The following TMEM131 variants were observed in gnomAD, a reference collection of about 807,000 sequenced individuals.
The protein encoded by TMEM131 is 2610524E03Rik.
TMEM131 carries 66 observed loss-of-function variants against 211.6 expected under a neutral mutation model. That is an observed-to-expected ratio of 0.31 (90% CI 0.26 to 0.38). The LOEUF is 0.38. Ranked by LOEUF, TMEM131 falls within the 10% of genes least tolerant of loss-of-function variation. TMEM131 has a pLI of 1.00. For synonymous variants in TMEM131, 844 were observed against 841.3 expected (o/e 1.00, Z -0.06); for missense variants, 2,036 against 2,299.3 (o/e 0.89, Z 2.34).
Position 97,832,004 on chromosome 2 carries a change from C to CAAAAAAAAAAAAA in TMEM131, c.1074+1348_1074+1360dup, listed in dbSNP as rs770432398. On this transcript the variant is annotated intron_variant, in intron 11 of 40. Coordinates refer to ENST00000186436, the MANE Select transcript of TMEM131 (RefSeq NM_015348.2). ...TTTTTATAGTTGTGTAAGTCACTTCCAAAAAAAAAAAAAAAAAAAAAAGCA... is the reference window on the plus strand; with the variant it reads ...TTTTTATAGTTGTGTAAGTCACTTCCAAAAAAAAAAAAAAAAAAAAAAAAAAAAAAAAAAAGCA... 2.3e-4 allele frequency among the ~76,000 whole-genome samples: 14 copies of CAAAAAAAAAAAAA among 60,268 alleles called. 2 individuals carry two copies. Among genetic ancestry groups the CAAAAAAAAAAAAA allele is most frequent in the Non-Finnish European group, 3.5e-4 (12 of 34,738 alleles). The allele number at this position is 60,268 out of a possible 152,430, so 39.5% of individuals were successfully genotyped here. A position where few individuals can be genotyped will look rare whatever the true frequency, so the allele number is the denominator to read the frequency against.
intron 1 of TMEM131, among the ~76,000 whole-genome samples, chr2:97,988,393 G>A (rs1680121986): frequency 6.6e-6 from 1 of 152,164 alleles, no homozygotes; most frequent in Non-Finnish European, 1.5e-5. Flanking sequence ...CATGACATTG[G>A]ATTTGGCAAT....
In TMEM131 at chr2:97,965,259, T is replaced by C. The variant is rs572813699; in HGVS notation, c.187+30217A>G. Among the ~76,000 whole-genome samples the C allele has an allele frequency of 3.9e-5, 6 of 152,332 alleles. No homozygotes were observed. The East Asian group carries it at 1.2e-3, about 29-fold the overall frequency. On this transcript the variant is annotated intron_variant, in intron 1 of 40. Transcript: ENST00000186436. ...ACTGCTATATATCTTATTGAATGACTGACGAGTTCTCCTTCACCGATTAAT... is the reference window on the plus strand; with the variant it reads ...ACTGCTATATATCTTATTGAATGACCGACGAGTTCTCCTTCACCGATTAAT...
chr2:97,954,817 A>AG (rs1678488452), intron 1 of TMEM131, among the ~76,000 whole-genome samples: 2 of 150,692 alleles, frequency 1.3e-5, no homozygotes, highest in Non-Finnish European at 3.0e-5. Flanking sequence ...AAAAAAAAAA[A>AG]AAAAAAAAAA....
rs1175745046 is a variant in TMEM131, at chr2:97,757,152, C to T, written c.5599G>A (p.Gly1867Arg). Residue 1867 changes from glycine to arginine, a missense_variant, in exon 41 of 41, where the codon GGA (glycine) becomes AGA (arginine). Coordinates refer to ENST00000186436, the MANE Select transcript of TMEM131 (RefSeq NM_015348.2). Reference protein sequence around the residue: ...NPWRIWSPTIGRRSSDPWSNS... With the variant: ...NPWRIWSPTIRRRSSDPWSNS... ...GACCAAGGGTCCGAGCTTCTTCTTC[C>T]AATCGTGGGGCTCCATATCCGCCAC... The T allele has an allele frequency of 6.2e-7, 1 of 1,613,120 alleles. No homozygotes were observed. Among genetic ancestry groups the T allele is most frequent in the Non-Finnish European group, 8.5e-7 (1 of 1,179,300 alleles).
intron 12 of TMEM131, among the ~76,000 whole-genome samples, chr2:97,817,852 CTTTATCATAAAG>C (rs1681908496): frequency 6.6e-6 from 1 of 152,176 alleles, no homozygotes; most frequent in Non-Finnish European, 1.5e-5. Flanking sequence ...GCACAGATGG[CTTTATCATAAAG>C]CCAAAGTTTA....
chr2:97,926,131 T>C (rs1676983510), intron 2 of TMEM131, among the ~76,000 whole-genome samples: 1 of 151,538 alleles, frequency 6.6e-6, no homozygotes, highest in Non-Finnish European at 1.5e-5. Context: ...AAAAAAAAAT[T>C]ACTATGGCCA....
At chr2:97,855,787 G>T (rs1323058175) in intron 5 of TMEM131, among the ~76,000 whole-genome samples, 1 of 151,560 alleles carries the variant, frequency 6.6e-6, no homozygotes, top group Non-Finnish European at 1.5e-5. Context: ...CAGATCAATA[G>T]ACAGAGACCT....
At chr2:97,773,777 A>AT (rs915329904) in intron 32 of TMEM131, among the ~76,000 whole-genome samples, 1 of 151,656 alleles carries the variant, frequency 6.6e-6, no homozygotes, top group East Asian at 1.9e-4. Flanking sequence ...TAATTCTTGT[A>AT]TTTTTTTGTA....
chr2:97,834,625 TG>T lies in TMEM131; in HGVS notation c.1007del (p.Thr336AsnfsTer8). ...TEMLDFGTLR[T>X]QDLPKVLNLH... is the part of the protein sequence containing the mutation. ...TCTTTTAAAAGATTTTTTTACCTTG[TG>T]TTCTTAGTGTACCAAAATCTAACAT... is the stretch of plus-strand genomic sequence containing the variant. On this transcript the variant is annotated frameshift_variant, in exon 10 of 41. Coordinates refer to ENST00000186436, the MANE Select transcript of TMEM131 (RefSeq NM_015348.2). LOFTEE classifies it high-confidence loss of function. The T allele has an allele frequency of 6.5e-7, 1 of 1,538,616 alleles. No homozygotes were observed. Among genetic ancestry groups the T allele is most frequent in the South Asian group, 1.2e-5 (1 of 80,456 alleles).
chr2:97,894,869 T>C (rs147501854), intron 3 of TMEM131, among the ~76,000 whole-genome samples: 1,820 of 152,294 alleles, frequency 0.012, 40 homozygotes, highest in African/African-American at 0.041. Flanking sequence ...TATTTCTTTC[T>C]CTTGCCTGAC....
At chr2:97,759,223 A>C in intron 39 of TMEM131, 170 bp from the exon 40 acceptor site, 1 of 754,926 alleles carries the variant, frequency 1.3e-6, no homozygotes, top group Non-Finnish European at 2.2e-6. Flanking sequence ...TGTCCTCCAG[A>C]ACTCAAACGC....
intron 36 of TMEM131, chr2:97,761,674 T>A (rs1420256325): frequency 5.6e-6 from 1 of 179,292 alleles, no homozygotes; most frequent in Non-Finnish European, 1.2e-5. Context: ...AGGCCAAAAT[T>A]AGTGTCACAT....
intron 1 of TMEM131, among the ~76,000 whole-genome samples, chr2:97,977,795 A>C (rs1679608667): frequency 6.6e-6 from 1 of 152,182 alleles, no homozygotes; most frequent in Non-Finnish European, 1.5e-5. Flanking sequence ...CAATTTCTTG[A>C]AACAGCAATG....
intron 5 of TMEM131, among the ~76,000 whole-genome samples, chr2:97,853,018 G>C (rs1419075299): frequency 6.6e-6 from 1 of 152,164 alleles, no homozygotes; most frequent in Admixed American, 6.5e-5. Flanking sequence ...CTAATGCTCA[G>C]AAAAAAGATT....
chr2:97,757,130 C>G lies in TMEM131; in HGVS notation c.5621G>C (p.Trp1874Ser). The change falls in exon 41 of 41, where the codon TGG becomes TCG. Residue 1874 changes from tryptophan (W) to serine (S), a missense_variant. Trp to Ser is a radical substitution (Grantham distance 177). This residue lies in a region of TMEM131 where 1,623 missense variants were observed against 1,805.9 expected (regional missense o/e 0.90). Transcript: ENST00000186436. ...PTIGRRSSDP[W>S]SNSHFPHEN is the part of the protein sequence containing the mutation. ...CTCGTGAGGAAAGTGCGAATTAGAC[C>G]AAGGGTCCGAGCTTCTTCTTCCAAT... The G allele has an allele frequency of 6.2e-7, 1 of 1,608,412 alleles. No homozygotes were observed. The highest frequency in any genetic ancestry group is 8.5e-7 in the Non-Finnish European group (1 of 1,176,404).
chr2:97,844,121 A>G (rs549690770), intron 6 of TMEM131, 24 bp downstream of exon 6: 12 of 724,544 alleles, frequency 1.7e-5, no homozygotes, highest in Admixed American at 7.8e-5. Flanking sequence ...ATTGTATAAA[A>G]TAAGTTTTAA....
At chr2:97,902,840 G>C (rs1020965472) in intron 3 of TMEM131, among the ~76,000 whole-genome samples, 5 of 152,110 alleles carry the variant, frequency 3.3e-5, no homozygotes, top group Non-Finnish European at 7.4e-5. Context: ...AAGAGAGATG[G>C]GCCTAGCCTC....
chr2:97,927,328 A>G, intron 2 of TMEM131, 98 bp downstream of exon 2: 1 of 906,468 alleles, frequency 1.1e-6, no homozygotes, highest in Non-Finnish European at 1.6e-6. Flanking sequence ...TAAAATATAA[A>G]TATATTTCAG....
At chr2:97,951,624 T>C (rs1410696234) in intron 1 of TMEM131, among the ~76,000 whole-genome samples, 1 of 152,144 alleles carries the variant, frequency 6.6e-6, no homozygotes, top group Non-Finnish European at 1.5e-5. Flanking sequence ...CTGTTTTTTG[T>C]TTTTGTTGCT....
Sources: gnomAD v4.1 joint callset for allele counts (sites outside exome capture counted in the v4.1 genomes callset) on GRCh38, gnomAD v4.1.1 for gene constraint, gnomAD v4.1.1 regional missense constraint, MANE v1.5 for transcripts, NCBI Gene and HGNC (gene_info 2026-07-23, HGNC 2026-07-21) for gene names.